The following KIRREL1 variants were observed in gnomAD, a reference collection of about 807,000 sequenced individuals.
KIRREL1 encodes kin of IRRE-like protein 1.
KIRREL1 carries 25 observed loss-of-function variants against 83.3 expected under a neutral mutation model. That is an observed-to-expected ratio of 0.30 (90% confidence interval 0.22 to 0.42). The LOEUF is 0.42. KIRREL1 is among the 10% of genes least tolerant of loss of function. KIRREL1 has a pLI of 1.00. For missense variants in KIRREL1, 812 were observed against 1,032.3 expected (o/e 0.79, Z 2.92); for synonymous variants, 388 against 410.4 (o/e 0.95, Z 0.66).
At chr1:158,093,850 C>A in intron 13 of KIRREL1, 88 bp downstream of exon 13, 1 of 1,413,838 alleles carries the variant, frequency 7.1e-7, no homozygotes, top group South Asian at 1.3e-5. Flanking sequence ...CGCGGTCATT[C>A]TCTCCTTCCT....
At chr1:158,034,548 G>C (rs908285302) in intron 1 of KIRREL1, among the ~76,000 whole-genome samples, 2 of 152,186 alleles carry the variant, frequency 1.3e-5, no homozygotes, top group African/African-American at 2.4e-5. Flanking sequence ...TTAGGAGTCA[G>C]ATGTGGGTTC....
At chr1:158,041,766 G>A (rs1163488801) in intron 1 of KIRREL1, among the ~76,000 whole-genome samples, 1 of 152,158 alleles carries the variant, frequency 6.6e-6, no homozygotes, top group African/African-American at 2.4e-5. Context: ...TCTCCCCTCT[G>A]GTTTGTGCGG....
intron 11 of KIRREL1, among the ~76,000 whole-genome samples, chr1:158,093,081 C>T (rs1024513432): frequency 5.3e-5 from 8 of 152,200 alleles, no homozygotes; most frequent in African/African-American, 1.7e-4. Flanking sequence ...CCTGCCCCAG[C>T]TGCAGGGATG....
At chr1:158,013,206 GAAGTA>G (rs1489923362) in intron 1 of KIRREL1, among the ~76,000 whole-genome samples, 1 of 152,192 alleles carries the variant, frequency 6.6e-6, no homozygotes. Context: ...TGTTGAGGAT[GAAGTA>G]AAGTATTTTG....
intron 1 of KIRREL1, among the ~76,000 whole-genome samples, chr1:158,068,327 A>G (rs1661411736): frequency 6.6e-6 from 1 of 152,148 alleles, no homozygotes; most frequent in South Asian, 2.1e-4. Flanking sequence ...TTCCTCTGAG[A>G]TTATCCACTG....
In KIRREL1 at chr1:158,094,952, C is replaced by T; in HGVS notation, c.2106C>T (p.Pro702=). The T allele has an allele frequency of 6.2e-7, 1 of 1,614,074 alleles. No individual in the cohort carries two copies. Among genetic ancestry groups the T allele is most frequent in the South Asian group, 1.1e-5 (1 of 91,068 alleles). The change falls in exon 15 of 15, where the codon CCC becomes CCT. Residue 702 remains proline (P), a synonymous_variant. Coordinates refer to ENST00000359209, the MANE Select transcript of KIRREL1 (RefSeq NM_018240.7). The surrounding 1 kb of genome is among the most constrained non-coding windows in gnomAD (Gnocchi z 4.6). ...CCTTCCCTGGGGCAGCTGGGTACCC[C>T]ACCTACCGACTGGGCTACCCCCAGG... ...SHPFPGAAGY[P]TYRLGYPQAP...
chr1:158,028,283 T>G (rs1660227702), intron 1 of KIRREL1, among the ~76,000 whole-genome samples: 1 of 152,210 alleles, frequency 6.6e-6, no homozygotes, highest in South Asian at 2.1e-4. Flanking sequence ...AGGGTGTACC[T>G]TTGCATGGTA....
intron 1 of KIRREL1, among the ~76,000 whole-genome samples, chr1:158,009,183 G>A (rs975024280): frequency 1.3e-5 from 2 of 152,282 alleles, no homozygotes; most frequent in African/African-American, 4.8e-5. Flanking sequence ...TGTGCCCCAA[G>A]CTTCTTCAGG....
At chr1:158,093,043 G>A (rs939110766) in intron 11 of KIRREL1, among the ~76,000 whole-genome samples, 2 of 152,254 alleles carry the variant, frequency 1.3e-5, no homozygotes, top group East Asian at 3.9e-4. Context: ...GACAGGGATC[G>A]ACAGACAACC....
intron 1 of KIRREL1, among the ~76,000 whole-genome samples, chr1:158,026,175 C>A (rs1660164717): frequency 6.6e-6 from 1 of 152,174 alleles, no homozygotes; most frequent in Non-Finnish European, 1.5e-5. Flanking sequence ...CCCAGCACCT[C>A]CATGGGGCCT....
chr1:158,062,838 C>G (rs1271505287), intron 1 of KIRREL1, among the ~76,000 whole-genome samples: 2 of 152,238 alleles, frequency 1.3e-5, no homozygotes, highest in Non-Finnish European at 2.9e-5. Context: ...GCCACAGCTT[C>G]CACTTTCGTC....
chr1:158,086,390 T>C (rs192608832), intron 4 of KIRREL1, among the ~76,000 whole-genome samples: 59 of 151,206 alleles, frequency 3.9e-4, no homozygotes, highest in Admixed American at 7.3e-4. Context: ...TATATAACTT[T>C]TAATTAAAAG....
intron 4 of KIRREL1, 100 bp from the exon 5 acceptor site, chr1:158,086,496 G>T (rs896136012): frequency 2.5e-6 from 3 of 1,206,086 alleles, no homozygotes; most frequent in Non-Finnish European, 3.5e-6. Flanking sequence ...TTAAGTTAAA[G>T]TACCCCTCCA....
intron 1 of KIRREL1, among the ~76,000 whole-genome samples, chr1:158,040,039 A>G (rs1252117045): frequency 6.6e-6 from 1 of 152,246 alleles, no homozygotes; most frequent in Non-Finnish European, 1.5e-5. Flanking sequence ...TCTCCAGTGG[A>G]AAGCATGAGA....
chr1:158,097,413 A>G lies in KIRREL1; in HGVS notation c.*2293A>G, dbSNP rs1011326986. On this transcript the variant is annotated 3_prime_UTR_variant, in exon 15 of 15. Coordinates refer to ENST00000359209, the MANE Select transcript of KIRREL1 (RefSeq NM_018240.7). ...TAAGTATTAGTTTCATTCTACTGAA[A>G]TGATGGAGAGAGGGCCTAAGGTTAC... is the stretch of plus-strand genomic sequence containing the variant. 7.3e-6 allele frequency: 2 copies of G among 275,256 alleles called. No homozygotes were observed. The highest frequency in any genetic ancestry group is 1.4e-5 in the Non-Finnish European group (2 of 142,822). 17.1% of individuals were successfully genotyped at this position (275,256 alleles called of 1,614,324 possible).
chr1:158,081,923 T>C (rs1661872235), intron 3 of KIRREL1, among the ~76,000 whole-genome samples: 1 of 152,198 alleles, frequency 6.6e-6, no homozygotes, highest in Admixed American at 6.5e-5. Flanking sequence ...GCATGTTGTC[T>C]GCTCGGGGCT....
At chr1:158,086,879 C>T in intron 5 of KIRREL1, 133 bp downstream of exon 5, 1 of 797,010 alleles carries the variant, frequency 1.3e-6, no homozygotes, top group Non-Finnish European at 2.0e-6. Context: ...TTGCCTTCTT[C>T]ACATCTTTCA....
At chr1:158,013,484 C>A (rs1311169006) in intron 1 of KIRREL1, among the ~76,000 whole-genome samples, 1 of 152,208 alleles carries the variant, frequency 6.6e-6, no homozygotes, top group Non-Finnish European at 1.5e-5. Context: ...TTTCAGGTGC[C>A]TACGGCTCCC....
chr1:158,063,361 T>C (rs1661266536), intron 1 of KIRREL1, among the ~76,000 whole-genome samples: 1 of 129,102 alleles, frequency 7.7e-6, no homozygotes, highest in Admixed American at 8.6e-5. Context: ...CTATTAAGGC[T>C]GTAAGCTCCT....
Sources: allele counts gnomAD v4.1 joint callset (sites outside exome capture counted in the v4.1 genomes callset), GRCh38; gene constraint gnomAD v4.1.1; non-coding constraint Gnocchi (gnomAD v3.1); transcripts MANE v1.5; gene names NCBI Gene and HGNC (gene_info 2026-07-23, HGNC 2026-07-21).